The following AGL variants were observed in gnomAD, a reference collection of about 807,000 sequenced individuals.
AGL encodes the protein glycogen debranching enzyme.
Under a neutral mutation model 199.3 loss-of-function variants are expected in AGL, and 128 were observed. The observed-to-expected ratio is 0.64, with a 90% CI of 0.56 to 0.74. The LOEUF (loss-of-function observed/expected upper bound fraction) is 0.74. Among genes scored for constraint, AGL ranks in the 30% least tolerant of loss-of-function variants. The pLI is 0.00. For missense variants in AGL, 1,809 were observed against 1,820.8 expected (o/e 0.99, Z 0.12); for synonymous variants, 584 against 594.7 (o/e 0.98, Z 0.26).
chr1:99,861,256 G>T, intron 2 of AGL: 3 of 1,349,204 alleles, frequency 2.2e-6, no homozygotes, highest in Non-Finnish European at 2.9e-6. Flanking sequence ...ATAGGAATGC[G>T]TTTCCAGGGG....
intron 5 of AGL, among the ~76,000 whole-genome samples, chr1:99,864,824 C>CT: frequency 6.6e-6 from 1 of 152,144 alleles, no homozygotes; most frequent in African/African-American, 2.4e-5. Context: ...GCATCTGTTG[C>CT]TTATAAATAC....
intron 5 of AGL, among the ~76,000 whole-genome samples, chr1:99,870,041 C>A (rs4589132): frequency 6.6e-6 from 1 of 152,118 alleles, no homozygotes; most frequent in African/African-American, 2.4e-5. Context: ...ATTCCTTGAG[C>A]GTATTTATTT....
At chr1:99,860,535 A>T (rs1196447650) in intron 2 of AGL, among the ~76,000 whole-genome samples, 2 of 152,208 alleles carry the variant, frequency 1.3e-5, no homozygotes, top group Non-Finnish European at 2.9e-5. Context: ...TTCACAGTAC[A>T]GTTTTAACTG....
intron 21 of AGL, among the ~76,000 whole-genome samples, chr1:99,890,352 T>A (rs1261619422): frequency 6.9e-6 from 1 of 145,454 alleles, no homozygotes; most frequent in Admixed American, 6.8e-5. Context: ...CCAGGGCATA[T>A]GTAGAATATT....
In AGL at chr1:99,875,157, G is replaced by T. The variant is rs1360892895; in HGVS notation, c.1086G>T (p.Lys362Asn). The T allele has an allele frequency of 6.2e-7, 1 of 1,613,456 alleles. No individual in the cohort carries two copies. Among genetic ancestry groups the T allele is most frequent in the Admixed American group, 1.7e-5 (1 of 60,008 alleles). ...IALTTFIPHD[K>N]GPAAIEECCN... ...TGCATTTCTCCATCTGCTCTAGCAA[G>T]GGGCCAGCAGCAATTGAAGAATGCT... Residue 362 changes from lysine to asparagine, a missense_variant, in exon 9 of 34, where the codon AAG (lysine) becomes AAT (asparagine). Transcript: ENST00000361915.
intron 27 of AGL, among the ~76,000 whole-genome samples, chr1:99,909,129 GTC>G (rs894562695): frequency 3.3e-5 from 5 of 152,036 alleles, no homozygotes; most frequent in South Asian, 4.1e-4. Context: ...TCTCCACTCA[GTC>G]TCTGCTGACA....
intron 25 of AGL, among the ~76,000 whole-genome samples, chr1:99,899,530 T>TTC (rs34432483): frequency 0.13 from 18,972 of 146,822 alleles, 1,560 homozygotes; most frequent in African/African-American, 0.23. Context: ...CTCTCTCTCT[T>TTC]TCTCTCTCTC....
In AGL at chr1:99,850,960, C is replaced by A; in HGVS notation, c.-68-15C>A. ...ATAGTTATTTTCGATATTTTAACTC[C>A]TTTTTGTTTCATAGGGGTAACTCAT... On this transcript the variant is annotated splice_polypyrimidine_tract_variant and intron_variant, in intron 1 of 33. Coordinates refer to ENST00000361915, the MANE Select transcript of AGL (RefSeq NM_000642.3). 8.5e-7 allele frequency: 1 copy of A among 1,172,766 alleles called. No homozygotes were observed. Among genetic ancestry groups the A allele is most frequent in the Non-Finnish European group, 1.3e-6 (1 of 780,478 alleles). The allele number at this position is 1,172,766 out of a possible 1,614,324, so 72.6% of individuals were successfully genotyped here. A position where few individuals can be genotyped will look rare whatever the true frequency, so the allele number is the denominator to read the frequency against.
chr1:99,860,266 T>C (rs894730301), intron 2 of AGL, among the ~76,000 whole-genome samples: 4 of 151,630 alleles, frequency 2.6e-5, no homozygotes, highest in Non-Finnish European at 1.5e-5. Flanking sequence ...TTATAAATTA[T>C]AAATAATATA....
Position 99,916,622 on chromosome 1 carries a change from TTTC to T in AGL, c.4376_4378del (p.Leu1459del). On this transcript the variant is annotated inframe_deletion, in exon 33 of 34. Coordinates refer to ENST00000361915, the MANE Select transcript of AGL (RefSeq NM_000642.3). ...GGAGTGGCTGTGGCCTATTGGGTAT[TTTC>T]TTCGTGCAAAATTATATTTTTCCAG... 1 of 1,613,494 alleles carries T rather than the reference TTTC, an allele frequency of 6.2e-7. No homozygotes were observed. The highest frequency in any genetic ancestry group is 8.5e-7 in the Non-Finnish European group (1 of 1,179,692).
chr1:99,849,957 C>A (rs147289059), upstream of AGL: 2,806 of 152,440 alleles, frequency 0.018, 30 homozygotes, highest in Non-Finnish European at 0.029. Context: ...TTCCCCAGGG[C>A]AAGGAGAAAG....
chr1:99,896,249 T>C, intron 24 of AGL, 37 bp from the exon 25 acceptor site: 1 of 1,508,516 alleles, frequency 6.6e-7, no homozygotes, highest in Non-Finnish European at 9.2e-7. Flanking sequence ...TGTATTATTA[T>C]GATTAACATA....
Position 99,870,877 on chromosome 1 carries a change from A to T in AGL, c.958+8A>T. Reference sequence around the variant, plus strand: ...GAAGACTTCTTACACAAGGTAAAGGATACATACTAGAATGTTCCTATCGAT... The same window carrying T: ...GAAGACTTCTTACACAAGGTAAAGGTTACATACTAGAATGTTCCTATCGAT... On this transcript the variant is annotated splice_region_variant and intron_variant, in intron 7 of 33. Transcript: ENST00000361915. The T allele has an allele frequency of 6.7e-7, 1 of 1,482,670 alleles. No homozygotes were observed. Among genetic ancestry groups the T allele is most frequent in the Non-Finnish European group, 9.4e-7 (1 of 1,061,224 alleles). The allele number at this position is 1,482,670 out of a possible 1,614,324, so 91.8% of individuals were successfully genotyped here. A position where few individuals can be genotyped will look rare whatever the true frequency, so the allele number is the denominator to read the frequency against.
At chr1:99,903,868 G>T (rs968242799) in intron 27 of AGL, among the ~76,000 whole-genome samples, 1 of 152,118 alleles carries the variant, frequency 6.6e-6, no homozygotes, top group African/African-American at 2.4e-5. Flanking sequence ...GTTTTGATTT[G>T]CATTTCTCTG....
chr1:99,920,940 C>T (rs139019199), intron 33 of AGL, among the ~76,000 whole-genome samples: 163 of 152,220 alleles, frequency 1.1e-3, no homozygotes, highest in African/African-American at 3.7e-3. Context: ...TCTTACCTCT[C>T]TATAGATAGG....
intron 21 of AGL, among the ~76,000 whole-genome samples, chr1:99,889,575 C>T (rs1322582550): frequency 6.6e-6 from 1 of 151,612 alleles, no homozygotes; most frequent in Non-Finnish European, 1.5e-5. Context: ...GTGAGACTGT[C>T]TCAAAAAATA....
chr1:99,901,856 A>G (rs1265704065), intron 26 of AGL, among the ~76,000 whole-genome samples: 2 of 152,130 alleles, frequency 1.3e-5, no homozygotes, highest in Admixed American at 6.5e-5. Flanking sequence ...TGAAGTACTC[A>G]ACATTTGTCC....
At chr1:99,863,387 T>G (rs988272151) in intron 4 of AGL, among the ~76,000 whole-genome samples, 1 of 152,154 alleles carries the variant, frequency 6.6e-6, no homozygotes, top group African/African-American at 2.4e-5. Context: ...TATTGAAAAG[T>G]GAAGGAAAAT....
At chr1:99,861,132 AGAG>A (rs1649996081) in intron 2 of AGL, 1 of 1,065,390 alleles carries the variant, frequency 9.4e-7, no homozygotes, top group Admixed American at 4.7e-5. Flanking sequence ...GAAAAATACT[AGAG>A]AAGGTCTCTC....
Sources: gnomAD v4.1 joint callset for allele counts (sites outside exome capture counted in the v4.1 genomes callset) on GRCh38, gnomAD v4.1.1 for gene constraint, MANE v1.5 for transcripts, NCBI Gene and HGNC (gene_info 2026-07-23, HGNC 2026-07-21) for gene names.